Variants in DCAF1 observed in about 807,000 individuals in gnomAD.
DCAF1 encodes the protein DDB1- and CUL4-associated factor 1.
In DCAF1, 15 loss-of-function variants were observed where a neutral mutation model predicts 128.0. The observed-to-expected ratio is 0.12, with a 90% CI of 0.08 to 0.18. DCAF1 has a LOEUF of 0.18. Ranked by LOEUF, DCAF1 falls within the 10% of genes least tolerant of loss-of-function variation. The pLI is 1.00. For missense variants in DCAF1, 988 were observed against 1,649.5 expected (o/e 0.60, Z 6.95); for synonymous variants, 610 against 603.0 (o/e 1.01, Z -0.17).
chr3:51,479,605 G>A (rs1054900100), intron 3 of DCAF1, among the ~76,000 whole-genome samples: 2 of 151,802 alleles, frequency 1.3e-5, no homozygotes, highest in African/African-American at 4.8e-5. Context: ...TAGCTAACAC[G>A]GTGAAACCTG....
intron 2 of DCAF1, among the ~76,000 whole-genome samples, chr3:51,486,757 C>T (rs1188081596): frequency 1.3e-5 from 2 of 150,846 alleles, no homozygotes; most frequent in South Asian, 2.1e-4. Context: ...CCTCAGTCTC[C>T]CGAGTAGCTG....
rs782584811 is a variant in DCAF1, at chr3:51,413,391, A to C, written c.3932-5T>G. 2 of 1,611,072 alleles carry C rather than the reference A, an allele frequency of 1.2e-6. No homozygotes were observed. Among genetic ancestry groups the C allele is most frequent in the African/African-American group, 1.3e-5 (1 of 75,020 alleles). On this transcript the variant is annotated splice_region_variant and splice_polypyrimidine_tract_variant and intron_variant, in intron 20 of 24. Coordinates refer to ENST00000684031, the MANE Select transcript of DCAF1 (RefSeq NM_001387579.1). ...CATCATCTGCCTGCAACATAGCTTG[A>C]GGGGGAGTGGGGGAGGAAACACTAT...
intron 9 of DCAF1, among the ~76,000 whole-genome samples, chr3:51,438,677 T>G (rs564259435): frequency 1.8e-4 from 28 of 152,368 alleles, no homozygotes; most frequent in African/African-American, 6.5e-4. Context: ...AATGGCACGA[T>G]CTCAGCTCAC....
intron 20 of DCAF1, 150 bp from the exon 21 acceptor site, chr3:51,413,536 A>C: frequency 1.5e-6 from 2 of 1,296,018 alleles, no homozygotes; most frequent in Non-Finnish European, 2.1e-6. Context: ...CTCTGCATCT[A>C]GTTAGCTCCT....
chr3:51,415,747 G>A (rs1698823243), intron 18 of DCAF1, among the ~76,000 whole-genome samples: 1 of 151,998 alleles, frequency 6.6e-6, no homozygotes, highest in Non-Finnish European at 1.5e-5. Context: ...AGCCCACCAA[G>A]CTCAGCCAAT....
intron 24 of DCAF1, among the ~76,000 whole-genome samples, chr3:51,401,152 AAG>A (rs2089667368): frequency 6.8e-6 from 1 of 148,060 alleles, no homozygotes; most frequent in African/African-American, 2.5e-5. Context: ...AAAAAAAAAA[AAG>A]ATCTCAGAAT....
chr3:51,415,373 T>C (rs1478987519), intron 18 of DCAF1, among the ~76,000 whole-genome samples: 1 of 152,124 alleles, frequency 6.6e-6, no homozygotes, highest in African/African-American at 2.4e-5. Flanking sequence ...TGCTCGCCTG[T>C]AGTCCCAGCT....
chr3:51,436,238 T>G (rs1340566701), intron 9 of DCAF1, among the ~76,000 whole-genome samples: 1 of 152,184 alleles, frequency 6.6e-6, no homozygotes, highest in African/African-American at 2.4e-5. Flanking sequence ...GTAAGAACAC[T>G]GCTGTTTGCA....
chr3:51,497,480 G>A (rs746064771), intron 1 of DCAF1, among the ~76,000 whole-genome samples: 2 of 151,718 alleles, frequency 1.3e-5, no homozygotes, highest in Admixed American at 6.6e-5. Flanking sequence ...CCAGTTACTC[G>A]GGAGGCTGAG....
At chr3:51,415,730 G>C (rs1389843231) in intron 18 of DCAF1, among the ~76,000 whole-genome samples, 1 of 152,036 alleles carries the variant, frequency 6.6e-6, no homozygotes, top group Non-Finnish European at 1.5e-5. Flanking sequence ...TGGGACTATA[G>C]GTCCCAAGCC....
At chr3:51,404,719 C>T (rs1313438623) in intron 23 of DCAF1, among the ~76,000 whole-genome samples, 6 of 152,164 alleles carry the variant, frequency 3.9e-5, no homozygotes, top group South Asian at 2.1e-4. Context: ...TGTGCAAGTG[C>T]GTGTATGGTC....
intron 14 of DCAF1, 47 bp downstream of exon 14, chr3:51,422,260 A>C: frequency 1.4e-6 from 1 of 734,710 alleles, no homozygotes; most frequent in Non-Finnish European, 2.5e-6. Context: ...GCAAAGAAAA[A>C]ACAAATCCAG....
intron 14 of DCAF1, among the ~76,000 whole-genome samples, chr3:51,421,343 G>A (rs559746084): frequency 1.8e-4 from 27 of 152,056 alleles, no homozygotes; most frequent in Non-Finnish European, 1.0e-4. Flanking sequence ...TGCAACCTCC[G>A]CCTCCCGAGT....
intron 1 of DCAF1, among the ~76,000 whole-genome samples, chr3:51,499,400 G>A (rs957948314): frequency 6.6e-6 from 1 of 152,180 alleles, no homozygotes; most frequent in Non-Finnish European, 1.5e-5. Context: ...ACGAGGCCGA[G>A]AGACGGGAGA....
At chr3:51,465,822 T>C (rs1704072247) in intron 5 of DCAF1, among the ~76,000 whole-genome samples, 2 of 152,210 alleles carry the variant, frequency 1.3e-5, no homozygotes, top group South Asian at 4.1e-4. Context: ...CCAGGCTCTC[T>C]GCCAAGCACC....
chr3:51,495,049 G>A (rs949775308), intron 2 of DCAF1, among the ~76,000 whole-genome samples: 4 of 152,160 alleles, frequency 2.6e-5, no homozygotes, highest in East Asian at 3.8e-4. Context: ...TAGGCCAGGC[G>A]TGGTGGCTCA....
chr3:51,473,635 G>A (rs1360225042), intron 3 of DCAF1, among the ~76,000 whole-genome samples: 4 of 151,094 alleles, frequency 2.6e-5, no homozygotes, highest in Admixed American at 1.3e-4. Flanking sequence ...CCCACCTCAG[G>A]CTCCTGAATA....
intron 6 of DCAF1, among the ~76,000 whole-genome samples, chr3:51,454,034 T>C (rs1553642161): frequency 6.6e-6 from 1 of 152,170 alleles, no homozygotes; most frequent in African/African-American, 2.4e-5. Flanking sequence ...ATATTTACAT[T>C]ACGTCTAAAA....
chr3:51,471,101 A>C (rs1389469615), intron 3 of DCAF1, 96 bp from the exon 4 acceptor site: 2 of 711,604 alleles, frequency 2.8e-6, no homozygotes, highest in South Asian at 4.7e-5. Context: ...AGAAAATAAA[A>C]GCAAAGTTAG....
Sources: allele counts gnomAD v4.1 joint callset (sites outside exome capture counted in the v4.1 genomes callset), GRCh38; gene constraint gnomAD v4.1.1; transcripts MANE v1.5; gene names NCBI Gene and HGNC (gene_info 2026-07-23, HGNC 2026-07-21).